KLRF1: variants seen among roughly 807,000 people sequenced by gnomAD.
KLRF1 encodes the protein killer cell lectin-like receptor subfamily F member 1.
KLRF1 carries 27 observed loss-of-function variants against 30.7 expected under a neutral mutation model. That is an observed-to-expected ratio of 0.88 (90% CI 0.65 to 1.21). The LOEUF (loss-of-function observed/expected upper bound fraction) is 1.21, where lower values mean the gene tolerates loss of function less well. Among genes scored for constraint, KLRF1 ranks in the 50% most tolerant of loss-of-function variants. KLRF1 has a pLI of 0.00. For synonymous variants in KLRF1, 92 were observed against 89.3 expected (o/e 1.03, Z -0.17); for missense variants, 246 against 259.3 (o/e 0.95, Z 0.35).
In KLRF1 at chr12:9,844,919, C is replaced by T. The variant is rs1311147508; in HGVS notation, c.*393C>T. 1 of 152,624 alleles carries T rather than the reference C, an allele frequency of 6.6e-6. No individual in the cohort carries two copies. The allele number at this position is 152,624 out of a possible 1,614,324, so 9.5% of individuals were successfully genotyped here. A position where few individuals can be genotyped will look rare whatever the true frequency, so the allele number is the denominator to read the frequency against. ...ATAATGTGGGTTTATACATTTTTTA[C>T]CCTTTTGTCAAAGAGAATTAACTTT... is the stretch of plus-strand genomic sequence containing the variant. On this transcript the variant is annotated 3_prime_UTR_variant, in exon 6 of 6. Coordinates refer to ENST00000617889, the MANE Select transcript of KLRF1 (RefSeq NM_016523.3).
chr12:9,801,704 G>A, the KLRF1 span, among the ~76,000 whole-genome samples: 6,820 of 151,662 alleles, frequency 0.045, 305 homozygotes, highest in African/African-American at 0.12. Context: ...TGTTTGTTTC[G>A]TTCTTGTAAA....
At chr12:9,800,920 T>G in the KLRF1 span, among the ~76,000 whole-genome samples, 1 of 152,068 alleles carries the variant, frequency 6.6e-6, no homozygotes, top group Non-Finnish European at 1.5e-5. Context: ...CATGGTGGAT[T>G]GCTGCACCTA....
chr12:9,832,132 A>G (rs898305296), intron 1 of KLRF1, among the ~76,000 whole-genome samples, 184 bp from the exon 2 acceptor site: 1 of 152,180 alleles, frequency 6.6e-6, no homozygotes, highest in African/African-American at 2.4e-5. Flanking sequence ...CTGACCATCC[A>G]GAGTGTTATC....
intron 3 of KLRF1, among the ~76,000 whole-genome samples, chr12:9,834,464 C>G (rs1867525082): frequency 6.6e-6 from 1 of 151,922 alleles, no homozygotes; most frequent in African/African-American, 2.4e-5. Flanking sequence ...CTCAGGGCTT[C>G]TTCGAGCGGG....
chr12:9,836,689 G>A (rs962942923), intron 3 of KLRF1, among the ~76,000 whole-genome samples: 5 of 151,710 alleles, frequency 3.3e-5, no homozygotes, highest in Non-Finnish European at 7.4e-5. Context: ...TATATTTTAT[G>A]TTCTACTTAT....
the KLRF1 span, among the ~76,000 whole-genome samples, chr12:9,804,389 C>G: frequency 2.0e-5 from 3 of 151,842 alleles, no homozygotes; most frequent in African/African-American, 4.8e-5. Context: ...TATGGGTTAT[C>G]CTTTCACTTT....
At chr12:9,815,976 G>A in the KLRF1 span, among the ~76,000 whole-genome samples, 26 of 152,234 alleles carry the variant, frequency 1.7e-4, 1 homozygote, top group African/African-American at 5.8e-4. Flanking sequence ...ACGCCACCAC[G>A]CCTAGCTGAT....
the KLRF1 span, among the ~76,000 whole-genome samples, chr12:9,800,860 C>A: frequency 6.6e-6 from 1 of 151,672 alleles, no homozygotes; most frequent in Admixed American, 6.6e-5. Flanking sequence ...TTTTAAGTTC[C>A]AGGATACAAG....
the KLRF1 span, among the ~76,000 whole-genome samples, chr12:9,820,800 C>T: frequency 3.9e-5 from 6 of 152,186 alleles, no homozygotes; most frequent in Admixed American, 1.3e-4. Context: ...GCCTAATGGC[C>T]GTTGGGCTGG....
At chr12:9,805,008 T>A in the KLRF1 span, among the ~76,000 whole-genome samples, 2 of 151,978 alleles carry the variant, frequency 1.3e-5, no homozygotes, top group East Asian at 1.9e-4. Flanking sequence ...ATTGTTTGAT[T>A]CAATTTGCTA....
the KLRF1 span, among the ~76,000 whole-genome samples, chr12:9,811,774 G>A: frequency 6.6e-6 from 1 of 152,308 alleles, no homozygotes; most frequent in African/African-American, 2.4e-5. Flanking sequence ...GTGAGAGGGG[G>A]CTGGTATACA....
upstream of KLRF1, among the ~76,000 whole-genome samples, chr12:9,823,556 A>T (rs1278234011): frequency 1.3e-5 from 2 of 152,146 alleles, no homozygotes; most frequent in Non-Finnish European, 2.9e-5. Flanking sequence ...CAAATTTAAC[A>T]CTCTAACATA....
rs915804027 is a variant in KLRF1 at position 9,842,935 on chromosome 12, A to T, written c.587+502A>T. Among the ~76,000 whole-genome samples, 7 of 152,202 alleles carry T rather than the reference A, an allele frequency of 4.6e-5. No individual in the cohort carries two copies. In the East Asian group the frequency reaches 1.3e-3, roughly 29 times the overall value. ...ATTAAAAATATAAACAGTAAAACAGATAAATTCAAAATCCTATTCCTATGT... is the reference window on the plus strand; with the variant it reads ...ATTAAAAATATAAACAGTAAAACAGTTAAATTCAAAATCCTATTCCTATGT... On this transcript the variant is annotated intron_variant, in intron 5 of 5. Coordinates refer to ENST00000617889, the MANE Select transcript of KLRF1 (RefSeq NM_016523.3).
chr12:9,806,578 C>A, the KLRF1 span, among the ~76,000 whole-genome samples: 1 of 152,044 alleles, frequency 6.6e-6, no homozygotes, highest in African/African-American at 2.4e-5. Flanking sequence ...ACAATCTGAG[C>A]CTTTTGATTG....
At chr12:9,833,185 C>A in intron 2 of KLRF1, 118 bp from the exon 3 acceptor site, 1 of 633,036 alleles carries the variant, frequency 1.6e-6, no homozygotes, top group Non-Finnish European at 2.5e-6. Context: ...TAAAAAGATC[C>A]TAGTGACCGT....
At chr12:9,817,588 C>T in the KLRF1 span, 3 of 307,104 alleles carry the variant, frequency 9.8e-6, no homozygotes, top group Non-Finnish European at 2.0e-5. Context: ...TCAACTTTGG[C>T]CACACCGGGT....
chr12:9,837,342 A>G (rs1867599987), intron 3 of KLRF1, among the ~76,000 whole-genome samples: 1 of 151,570 alleles, frequency 6.6e-6, no homozygotes, highest in African/African-American at 2.4e-5. Flanking sequence ...ATATACTTAT[A>G]TGTATCTCTA....
chr12:9,832,505 C>A, intron 2 of KLRF1, 91 bp downstream of exon 2: 2 of 733,872 alleles, frequency 2.7e-6, no homozygotes, highest in Non-Finnish European at 4.5e-6. Context: ...TCATTCTTCA[C>A]TACATTAACC....
the KLRF1 span, among the ~76,000 whole-genome samples, chr12:9,821,443 AG>A: frequency 2.6e-5 from 4 of 152,142 alleles, no homozygotes; most frequent in Non-Finnish European, 5.9e-5. Flanking sequence ...AGAGGAGCAA[AG>A]TTCATCTCCC....
Sources: gnomAD v4.1 joint callset for allele counts (sites outside exome capture counted in the v4.1 genomes callset) on GRCh38, gnomAD v4.1.1 for gene constraint, MANE v1.5 for transcripts, NCBI Gene and HGNC (gene_info 2026-07-23, HGNC 2026-07-21) for gene names.